Variants in MEGF10 observed in about 807,000 individuals in gnomAD.
The protein encoded by MEGF10 is multiple EGF like domains 10, also known as multiple epidermal growth factor-like domains protein 10.
MEGF10 carries 86 observed loss-of-function variants against 147.5 expected under a neutral mutation model. The observed-to-expected ratio is 0.58, with a 90% CI of 0.49 to 0.70. The LOEUF (loss-of-function observed/expected upper bound fraction) is 0.70. Among genes scored for constraint, MEGF10 ranks in the 30% least tolerant of loss-of-function variants. The pLI is 0.00. For synonymous variants in MEGF10, 478 were observed against 525.5 expected (o/e 0.91, Z 1.24); for missense variants, 1,329 against 1,487.3 (o/e 0.89, Z 1.75).
intron 5 of MEGF10, among the ~76,000 whole-genome samples, chr5:127,381,872 T>C (rs1011942030): frequency 6.6e-6 from 1 of 152,182 alleles, no homozygotes; most frequent in Non-Finnish European, 1.5e-5. Context: ...GGTTTCACCA[T>C]GTGGGCCAGG....
At chr5:127,289,783 G>A (rs1017949380), upstream of MEGF10, among the ~76,000 whole-genome samples, 3 of 152,186 alleles carry the variant, frequency 2.0e-5, no homozygotes, top group Non-Finnish European at 2.9e-5. Context: ...TCTCTAAAAA[G>A]AAAGAGTTCT....
chr5:127,339,627 AT>A (rs556257875), intron 3 of MEGF10, among the ~76,000 whole-genome samples: 269 of 152,086 alleles, frequency 1.8e-3, no homozygotes, highest in African/African-American at 4.5e-3. Context: ...AACAAGATGT[AT>A]TTTTTTTCTA....
At chr5:127,238,720 A>T in the MEGF10 span, among the ~76,000 whole-genome samples, 1 of 152,198 alleles carries the variant, frequency 6.6e-6, no homozygotes, top group South Asian at 2.1e-4. Context: ...TAGGATATTC[A>T]TCCCCCATCC....
At chr5:127,248,789 A>G in the MEGF10 span, among the ~76,000 whole-genome samples, 3 of 151,826 alleles carry the variant, frequency 2.0e-5, no homozygotes, top group Non-Finnish European at 2.9e-5. Flanking sequence ...AATCAGAACT[A>G]TTCCAAGAAA....
At chr5:127,311,008 C>T (rs1760264043) in intron 1 of MEGF10, among the ~76,000 whole-genome samples, 1 of 152,182 alleles carries the variant, frequency 6.6e-6, no homozygotes. Flanking sequence ...CTCCCAAAGA[C>T]ATAATATTCC....
intron 1 of MEGF10, among the ~76,000 whole-genome samples, chr5:127,291,587 A>G (rs1759260089): frequency 6.6e-6 from 1 of 152,118 alleles, no homozygotes; most frequent in African/African-American, 2.4e-5. Context: ...AGCGATCAGT[A>G]GGGGTGTGAG....
rs770189857 is a variant in MEGF10 at position 127,455,569 on chromosome 5, A to T, written c.3194A>T (p.Asn1065Ile). Residue 1065 changes from asparagine to isoleucine, a missense_variant, in exon 24 of 25, where the codon AAT (asparagine) becomes ATT (isoleucine). By Grantham distance (149) the Asn-to-Ile change is moderately radical. This residue lies in a region of MEGF10 where 343 missense variants were observed against 377.9 expected (regional missense o/e 0.91). Coordinates refer to ENST00000503335, the MANE Select transcript of MEGF10 (RefSeq NM_001256545.2). ...AGAGATTCCCCATATGCAGAGATCAATAACTCAACTTCAGCCAACAGGAAT... is the reference window on the plus strand; with the variant it reads ...AGAGATTCCCCATATGCAGAGATCATTAACTCAACTTCAGCCAACAGGAAT... ...ARRDSPYAEINNSTSANRNVY... is the reference protein window; with the variant it reads ...ARRDSPYAEIINSTSANRNVY... The T allele has an allele frequency of 3.7e-6, 6 of 1,614,188 alleles. No individual in the cohort carries two copies.
rs1242291278 is a variant in MEGF10, at chr5:127,434,766, C to T, written c.1920C>T (p.His640=). The T allele has an allele frequency of 6.2e-7, 1 of 1,613,956 alleles. No individual in the cohort carries two copies. The highest frequency in any genetic ancestry group is 1.3e-5 in the African/African-American group (1 of 75,050). The stretch of plus-strand genomic sequence containing the variant: ...TTCACAGCAGCGGGCCCTGCCACCA[C>T]ATCACCGGCCTGTGTGACTGCTTGC... ...QCVHSSGPCH[H]ITGLCDCLPG... is the part of the protein sequence containing the mutation. The change falls in exon 15 of 25, where the codon CAC becomes CAT. Residue 640 remains histidine (H), a synonymous_variant. Transcript: ENST00000503335.
At chr5:127,393,127 G>A (rs1018544701) in intron 5 of MEGF10, among the ~76,000 whole-genome samples, 3 of 152,280 alleles carry the variant, frequency 2.0e-5, no homozygotes, top group Admixed American at 1.3e-4. Context: ...TATTTTCTAA[G>A]TTGTTAGTGG....
chr5:127,397,081 G>T (rs1763945439), intron 6 of MEGF10, among the ~76,000 whole-genome samples: 1 of 152,282 alleles, frequency 6.6e-6, no homozygotes, highest in East Asian at 1.9e-4. Context: ...TTTGGGGGTT[G>T]TTGGGGCATA....
chr5:127,456,560 G>GA (rs760430533), intron 24 of MEGF10, among the ~76,000 whole-genome samples: 2 of 152,030 alleles, frequency 1.3e-5, no homozygotes, highest in Non-Finnish European at 2.9e-5. Context: ...ACATCCCTGG[G>GA]AAAAAATATA....
intron 5 of MEGF10, among the ~76,000 whole-genome samples, chr5:127,380,808 C>T (rs752487028): frequency 2.6e-5 from 4 of 152,144 alleles, no homozygotes; most frequent in South Asian, 2.1e-4. Context: ...TGAGCCACCG[C>T]GCCCAGCTGA....
chr5:127,353,686 G>T (rs917951475), intron 4 of MEGF10, among the ~76,000 whole-genome samples: 5 of 152,190 alleles, frequency 3.3e-5, no homozygotes, highest in Admixed American at 2.6e-4. Context: ...GCTGGATACT[G>T]CTGTAAAGGA....
intron 2 of MEGF10, among the ~76,000 whole-genome samples, chr5:127,333,848 A>G (rs532629756): frequency 6.6e-6 from 1 of 152,322 alleles, no homozygotes; most frequent in East Asian, 1.9e-4. Context: ...CTCTAAACCT[A>G]ATAGAACCCA....
At chr5:127,425,972 G>C (rs1453740221) in intron 13 of MEGF10, among the ~76,000 whole-genome samples, 1 of 152,220 alleles carries the variant, frequency 6.6e-6, no homozygotes, top group Non-Finnish European at 1.5e-5. Flanking sequence ...ATCTGACACA[G>C]AAGCCAGGGC....
intron 15 of MEGF10, 61 bp from the exon 16 acceptor site, chr5:127,435,300 A>T: frequency 1.3e-6 from 2 of 1,599,278 alleles, no homozygotes; most frequent in Non-Finnish European, 1.7e-6. Context: ...CTGTGCTAAG[A>T]TTCTAGGGTT....
the MEGF10 span, among the ~76,000 whole-genome samples, chr5:127,269,106 A>G: frequency 6.6e-6 from 1 of 152,208 alleles, no homozygotes; most frequent in Non-Finnish European, 1.5e-5. Flanking sequence ...ATCATCAAAG[A>G]CCAAAGGTAG....
intron 1 of MEGF10, among the ~76,000 whole-genome samples, chr5:127,311,109 T>G (rs1455022511): frequency 6.6e-6 from 1 of 152,222 alleles, no homozygotes; most frequent in African/African-American, 2.4e-5. Context: ...CTTATTTCTA[T>G]TAAGTGTTGG....
intron 22 of MEGF10, among the ~76,000 whole-genome samples, chr5:127,453,108 C>T (rs1225013633): frequency 6.6e-6 from 1 of 152,222 alleles, no homozygotes; most frequent in Admixed American, 6.5e-5. Flanking sequence ...GAGATGCATG[C>T]ACAGTGGCAA....
Sources: gnomAD v4.1 joint callset for allele counts (sites outside exome capture counted in the v4.1 genomes callset) on GRCh38, gnomAD v4.1.1 for gene constraint, gnomAD v4.1.1 regional missense constraint, MANE v1.5 for transcripts, NCBI Gene and HGNC (gene_info 2026-07-23, HGNC 2026-07-21) for gene names.